Variants in WDR17 observed in about 807,000 individuals in gnomAD.
WDR17 encodes WD repeat domain 17, also known as WD repeat-containing protein 17.
In WDR17, 143 loss-of-function variants were observed where a neutral mutation model predicts 161.7. The observed-to-expected ratio is 0.88, with a 90% CI of 0.77 to 1.02. The LOEUF is 1.02. Ranked by LOEUF, WDR17 falls within the 50% of genes least tolerant of loss-of-function variation. The probability of loss-of-function intolerance (pLI) is 0.00; values close to 1 mark genes in which losing one functional copy is unlikely to be tolerated. For missense variants in WDR17, 1,469 were observed against 1,520.9 expected, an observed-to-expected ratio of 0.97 and a Z score of 0.57; for synonymous variants, 517 against 515.6, an observed-to-expected ratio of 1.00 and a Z score of -0.04.
At chr4:176,160,235 G>T in intron 19 of WDR17, 109 bp downstream of exon 19, 1 of 1,349,240 alleles carries the variant, frequency 7.4e-7, no homozygotes, top group Non-Finnish European at 9.9e-7. Flanking sequence ...GTCATAAAGG[G>T]CTTGGCTTCT....
chr4:176,173,579 T>C (rs940809338), intron 25 of WDR17, among the ~76,000 whole-genome samples: 1 of 152,092 alleles, frequency 6.6e-6, no homozygotes, highest in African/African-American at 2.4e-5. Context: ...TGCAGTGGCG[T>C]GATCTCAGCT....
intron 2 of WDR17, among the ~76,000 whole-genome samples, chr4:176,114,373 T>C (rs1740257930): frequency 6.6e-6 from 1 of 152,068 alleles, no homozygotes; most frequent in Admixed American, 6.6e-5. Flanking sequence ...GTTGAAGTTA[T>C]AGGAAGAGAG....
intron 21 of WDR17, among the ~76,000 whole-genome samples, chr4:176,162,598 C>T (rs1162308350): frequency 6.6e-6 from 1 of 152,060 alleles, no homozygotes; most frequent in Non-Finnish European, 1.5e-5. Flanking sequence ...ACCTCCCTTA[C>T]CTATTTCACA....
intron 25 of WDR17, among the ~76,000 whole-genome samples, chr4:176,174,181 C>T (rs1387181401): frequency 6.6e-6 from 1 of 152,010 alleles, no homozygotes; most frequent in Non-Finnish European, 1.5e-5. Context: ...GCTTTGGGCT[C>T]TTTTTGTTTT....
intron 1 of WDR17, among the ~76,000 whole-genome samples, chr4:176,106,120 G>C (rs564573285): frequency 6.6e-6 from 1 of 152,080 alleles, no homozygotes; most frequent in Non-Finnish European, 1.5e-5. Flanking sequence ...TGCTAAAATT[G>C]ATATAGAAAC....
At chr4:176,120,316 ATAT>A (rs1561130291) in intron 4 of WDR17, among the ~76,000 whole-genome samples, 5 of 144,444 alleles carry the variant, frequency 3.5e-5, no homozygotes, top group African/African-American at 7.9e-5. Flanking sequence ...ATATATATAT[ATAT>A]AATACATTCA....
intron 6 of WDR17, among the ~76,000 whole-genome samples, chr4:176,129,326 A>G (rs1474223821): frequency 2.0e-5 from 3 of 152,066 alleles, no homozygotes; most frequent in Non-Finnish European, 4.4e-5. Flanking sequence ...AGTTGTCACT[A>G]AGTTAGTAGT....
chr4:176,131,820 T>A, intron 7 of WDR17, 82 bp downstream of exon 7: 1 of 1,090,674 alleles, frequency 9.2e-7, no homozygotes, highest in South Asian at 2.9e-5. Flanking sequence ...GTCTGAATAT[T>A]ATTTGAAATT....
Position 176,149,938 on chromosome 4 carries a change from G to C in WDR17, c.2029G>C (p.Glu677Gln). ...TATTCTGGCAGACAGATCTTGGGAA[G>C]AAATTATTGGGAACACTGGTATGGA... ...INILADRSWE[E>Q]IIGNTDYAIE... The change falls in exon 14 of 29, where the codon GAA becomes CAA. Residue 677 changes from glutamate to glutamine, a missense_variant. Coordinates refer to ENST00000508596, the MANE Select transcript of WDR17 (RefSeq NM_181265.4). 6.2e-7 allele frequency: 1 copy of C among 1,612,714 alleles called. No homozygotes were observed. Among genetic ancestry groups the C allele is most frequent in the Non-Finnish European group, 8.5e-7 (1 of 1,179,774 alleles).
intron 26 of WDR17, among the ~76,000 whole-genome samples, chr4:176,175,154 A>G (rs976987616): frequency 6.6e-6 from 1 of 152,188 alleles, no homozygotes; most frequent in Non-Finnish European, 1.5e-5. Context: ...AGAGACCACA[A>G]AGGACTTTCT....
intron 3 of WDR17, among the ~76,000 whole-genome samples, chr4:176,116,613 T>C (rs1373411210): frequency 6.6e-6 from 1 of 151,890 alleles, no homozygotes; most frequent in African/African-American, 2.4e-5. Flanking sequence ...CAATTGATTA[T>C]GGTTTTGAAA....
At chr4:176,103,306 A>G (rs557461211) in intron 1 of WDR17, among the ~76,000 whole-genome samples, 228 of 152,260 alleles carry the variant, frequency 1.5e-3, no homozygotes, top group African/African-American at 5.3e-3. Flanking sequence ...ATTGAAAACA[A>G]AAACAATAAA....
chr4:176,120,288 T>TTATA lies in WDR17; in HGVS notation c.538+220_538+223dup, dbSNP rs33940735. Reference sequence around the variant, plus strand: ...TGAGTCTAAATATTCATTTGAAGTTTTATATATATATATATATATATATAT... The same window carrying TTATA: ...TGAGTCTAAATATTCATTTGAAGTTTTATATATATATATATATATATATATATAT... On this transcript the variant is annotated intron_variant, in intron 4 of 28. Coordinates refer to ENST00000508596, the MANE Select transcript of WDR17 (RefSeq NM_181265.4). Among the ~76,000 whole-genome samples, 1,159 of 136,406 alleles carry TTATA rather than the reference T, an allele frequency of 8.5e-3. 7 individuals carry two copies. The highest frequency in any genetic ancestry group is 0.01 in the Non-Finnish European group (652 of 63,902). 89.5% of individuals were successfully genotyped at this position (136,406 alleles called of 152,430 possible).
intron 1 of WDR17, among the ~76,000 whole-genome samples, chr4:176,106,294 A>C (rs1738704191): frequency 6.6e-6 from 1 of 151,702 alleles, no homozygotes; most frequent in Non-Finnish European, 1.5e-5. Flanking sequence ...ATTTATATAT[A>C]AATATAAAAT....
Position 176,148,258 on chromosome 4 carries a change from A to G in WDR17, c.1820A>G (p.Asp607Gly), listed in dbSNP as rs1746511281. The change falls in exon 13 of 29, where the codon GAC becomes GGC. Residue 607 changes from aspartate to glycine, a missense_variant. Coordinates refer to ENST00000508596, the MANE Select transcript of WDR17 (RefSeq NM_181265.4). Reference protein sequence around the residue: ...IPYLLISGSWDYTIKVWDTRE... With the variant: ...IPYLLISGSWGYTIKVWDTRE... The stretch of plus-strand genomic sequence containing the variant: ...TATCTGCTCATATCTGGCAGCTGGG[A>G]CTATACTATAAAAGTATGGGACACT... 1 of 1,613,802 alleles carries G rather than the reference A, an allele frequency of 6.2e-7. No individual in the cohort carries two copies. The highest frequency in any genetic ancestry group is 1.3e-5 in the African/African-American group (1 of 75,054).
chr4:176,088,581 C>T (rs142650983), intron 1 of WDR17, among the ~76,000 whole-genome samples: 290 of 152,268 alleles, frequency 1.9e-3, no homozygotes, highest in African/African-American at 6.8e-3. Context: ...CCTTTCAGAA[C>T]ATGATAGTGG....
intron 1 of WDR17, among the ~76,000 whole-genome samples, chr4:176,086,216 G>A (rs72706343): frequency 0.13 from 19,372 of 151,814 alleles, 1,633 homozygotes; most frequent in Non-Finnish European, 0.18. Flanking sequence ...CTCTGCACAC[G>A]GTTAATTTTT....
chr4:176,154,808 A>G (rs1354284652), intron 17 of WDR17, among the ~76,000 whole-genome samples: 1 of 152,168 alleles, frequency 6.6e-6, no homozygotes, highest in Non-Finnish European at 1.5e-5. Flanking sequence ...TAGTGTTTTG[A>G]AAACCCTTAA....
intron 14 of WDR17, 23 bp from the exon 15 acceptor site, chr4:176,150,020 A>G (rs774996915): frequency 8.1e-6 from 13 of 1,611,536 alleles, no homozygotes; most frequent in East Asian, 4.5e-5. Flanking sequence ...ATCTTTTCTC[A>G]CTGAATTATG....
Sources: allele counts gnomAD v4.1 joint callset (sites outside exome capture counted in the v4.1 genomes callset), GRCh38; gene constraint gnomAD v4.1.1; transcripts MANE v1.5; gene names NCBI Gene and HGNC (gene_info 2026-07-23, HGNC 2026-07-21).